SENP7: variants seen among roughly 807,000 people sequenced by gnomAD.
SENP7 encodes SUMO specific peptidase 7.
SENP7 carries 64 observed loss-of-function variants against 141.2 expected under a neutral mutation model. The ratio of observed to expected loss-of-function variants is 0.45; its 90% CI spans 0.37 to 0.56. The LOEUF (loss-of-function observed/expected upper bound fraction) is 0.56, where lower values mean the gene tolerates loss of function less well. Ranked by LOEUF, SENP7 falls within the 20% of genes least tolerant of loss-of-function variation. SENP7 has a pLI of 0.00. For synonymous variants in SENP7, 382 were observed against 426.4 expected (o/e 0.90, Z 1.28); for missense variants, 1,025 against 1,212.2 (o/e 0.85, Z 2.29).
At chr3:101,466,744 A>C (rs1391381149) in intron 3 of SENP7, among the ~76,000 whole-genome samples, 1 of 152,200 alleles carries the variant, frequency 6.6e-6, no homozygotes, top group Non-Finnish European at 1.5e-5. Flanking sequence ...GAACAGCTCC[A>C]GTCTGCGGCT....
chr3:101,327,561 TG>T (rs2058936663), intron 23 of SENP7, 104 bp downstream of exon 23: 1 of 793,450 alleles, frequency 1.3e-6, no homozygotes, highest in Non-Finnish European at 1.9e-6. Flanking sequence ...TACCCAGTCT[TG>T]GGTATGTCTT....
At chr3:101,353,797 C>T (rs2107288509) in intron 11 of SENP7, among the ~76,000 whole-genome samples, 1 of 152,004 alleles carries the variant, frequency 6.6e-6, no homozygotes, top group Admixed American at 6.6e-5. Context: ...GTAATAATTT[C>T]CAGCTATAAG....
chr3:101,426,649 T>C (rs1044371963), intron 4 of SENP7, among the ~76,000 whole-genome samples: 7 of 151,860 alleles, frequency 4.6e-5, no homozygotes, highest in African/African-American at 1.5e-4. Flanking sequence ...CCAGCTAATT[T>C]TTTTTATTTT....
intron 3 of SENP7, among the ~76,000 whole-genome samples, chr3:101,463,325 G>A (rs1050350509): frequency 9.0e-5 from 12 of 133,782 alleles, no homozygotes; most frequent in African/African-American, 2.5e-4. Context: ...GTCAGGCCTC[G>A]GTGACACAGC....
In SENP7 at chr3:101,371,383, T is replaced by G. The variant is rs114191162; in HGVS notation, c.796+625A>C. On this transcript the variant is annotated intron_variant, in intron 7 of 23. Coordinates refer to ENST00000394095, the MANE Select transcript of SENP7 (RefSeq NM_020654.5). ...CAACAACATTTGAAGCTATCAATAATCCAACAGACCCCTAAAGGTGTTAGT... is the reference window on the plus strand; with the variant it reads ...CAACAACATTTGAAGCTATCAATAAGCCAACAGACCCCTAAAGGTGTTAGT... Among the ~76,000 whole-genome samples the G allele has an allele frequency of 3.4e-3, 523 of 152,214 alleles. 5 individuals carry two copies. Among genetic ancestry groups the G allele is most frequent in the African/African-American group, 0.012 (513 of 41,550 alleles).
chr3:101,455,291 G>C (rs2063313665), intron 4 of SENP7, among the ~76,000 whole-genome samples: 1 of 152,150 alleles, frequency 6.6e-6, no homozygotes, highest in Admixed American at 6.5e-5. Context: ...CTCCATTATA[G>C]TAAGAAGGCC....
chr3:101,352,443 A>G (rs780589112), intron 11 of SENP7, among the ~76,000 whole-genome samples: 1 of 151,970 alleles, frequency 6.6e-6, no homozygotes, highest in Non-Finnish European at 1.5e-5. Flanking sequence ...CATGTTATAA[A>G]TTCCCTTCCA....
intron 3 of SENP7, among the ~76,000 whole-genome samples, chr3:101,467,705 C>T (rs1251325655): frequency 2.6e-5 from 4 of 152,158 alleles, no homozygotes; most frequent in African/African-American, 9.7e-5. Context: ...ATCTGTAGGT[C>T]ACCAACATCA....
At chr3:101,446,736 C>T (rs1205066133) in intron 4 of SENP7, among the ~76,000 whole-genome samples, 1 of 151,904 alleles carries the variant, frequency 6.6e-6, no homozygotes, top group African/African-American at 2.4e-5. Context: ...AACAGAAACA[C>T]AACATACCAA....
rs201680273 is a variant in SENP7, at chr3:101,337,607, T to C, written c.2382A>G (p.Ser794=). Residue 794 remains serine (S), a synonymous_variant, in exon 17 of 24, where the codon TCA becomes TCG. Transcript: ENST00000394095. The part of the protein sequence containing the change: ...YLKYLILEKA[S]DELVERSHIF... ...TGTGACTTCGTTCAACAAGTTCATC[T>C]GATGCCTTCTCCAATATAAGATACC... The C allele has an allele frequency of 6.2e-7, 1 of 1,605,426 alleles. No individual in the cohort carries two copies. Among genetic ancestry groups the C allele is most frequent in the South Asian group, 1.1e-5 (1 of 89,184 alleles).
chr3:101,383,733 G>T (rs2060572957), intron 6 of SENP7, among the ~76,000 whole-genome samples: 1 of 152,242 alleles, frequency 6.6e-6, no homozygotes, highest in Middle Eastern at 3.2e-3. Flanking sequence ...GGAGGGAAGG[G>T]GATGCTGAGG....
At chr3:101,488,563 CA>C (rs1210341739) in intron 3 of SENP7, among the ~76,000 whole-genome samples, 1 of 152,172 alleles carries the variant, frequency 6.6e-6, no homozygotes, top group Non-Finnish European at 1.5e-5. Context: ...ACATGCAGGC[CA>C]GGCGCGGTGG....
chr3:101,357,012 T>C (rs2059761116), intron 11 of SENP7, among the ~76,000 whole-genome samples: 2 of 152,200 alleles, frequency 1.3e-5, no homozygotes, highest in South Asian at 2.1e-4. Flanking sequence ...ACATTCTTTT[T>C]TTTTTTGAGA....
intron 19 of SENP7, among the ~76,000 whole-genome samples, chr3:101,331,227 C>T (rs1339222066): frequency 1.3e-5 from 2 of 151,918 alleles, no homozygotes; most frequent in Non-Finnish European, 1.5e-5. Flanking sequence ...TGCCTATAAT[C>T]CCAATACTTT....
chr3:101,354,292 C>T (rs535247112), intron 11 of SENP7, among the ~76,000 whole-genome samples: 5 of 152,172 alleles, frequency 3.3e-5, no homozygotes, highest in African/African-American at 7.2e-5. Context: ...TTCAGGGGTA[C>T]ATGTACAGGT....
chr3:101,468,882 T>C lies in SENP7; in HGVS notation c.187-9830A>G, dbSNP rs576822139. ...ATATTAACCTTAAATGTAAATGGGC[T>C]AAATACCCCAATTAAAAGACACAGA... On this transcript the variant is annotated intron_variant, in intron 3 of 23. Coordinates refer to ENST00000394095, the MANE Select transcript of SENP7 (RefSeq NM_020654.5). 1.6e-4 allele frequency among the ~76,000 whole-genome samples: 24 copies of C among 152,308 alleles called. No homozygotes were observed. In the South Asian group the frequency reaches 5.0e-3, roughly 32 times the overall value.
rs1576784662 is a variant in SENP7, at chr3:101,325,756, TC to T, written c.*186del. 3 of 397,528 alleles carry T rather than the reference TC, an allele frequency of 7.5e-6. No homozygotes were observed. The highest frequency in any genetic ancestry group is 8.8e-6 in the Non-Finnish European group (2 of 228,358). The allele number at this position is 397,528 out of a possible 1,614,324, so 24.6% of individuals were successfully genotyped here. A position where few individuals can be genotyped will look rare whatever the true frequency, so the allele number is the denominator to read the frequency against. On this transcript the variant is annotated 3_prime_UTR_variant, in exon 24 of 24. Coordinates refer to ENST00000394095, the MANE Select transcript of SENP7 (RefSeq NM_020654.5). ...GTAAGTTTATCTATATCACCCCCAT[TC>T]CCATTCCATCTATGAGATCCCAACA...
chr3:101,463,402 T>TATATATATATATATATACAC (rs2063652379), intron 3 of SENP7, among the ~76,000 whole-genome samples: 7 of 101,244 alleles, frequency 6.9e-5, no homozygotes, highest in South Asian at 3.1e-4. Context: ...TATATACATA[T>TATATATATATATATATACAC]ATATATATAT....
At chr3:101,417,135 T>C (rs2061646890) in intron 5 of SENP7, among the ~76,000 whole-genome samples, 1 of 152,132 alleles carries the variant, frequency 6.6e-6, no homozygotes, top group Non-Finnish European at 1.5e-5. Context: ...TAAAAATTCA[T>C]TTAAAATACA....
Sources: gnomAD v4.1 joint callset for allele counts (sites outside exome capture counted in the v4.1 genomes callset) on GRCh38, gnomAD v4.1.1 for gene constraint, MANE v1.5 for transcripts, NCBI Gene and HGNC (gene_info 2026-07-23, HGNC 2026-07-21) for gene names.